TSPAN7: variants seen among roughly 807,000 people sequenced by gnomAD.
The protein encoded by TSPAN7 is tetraspanin-7.
A neutral mutation model predicts 17.6 loss-of-function variants in TSPAN7; 1 was observed. The ratio of observed to expected loss-of-function variants is 0.06; its 90% CI spans 0.02 to 0.27. The LOEUF is 0.27. Among genes scored for constraint, TSPAN7 ranks in the 10% least tolerant of loss-of-function variants. TSPAN7 has a pLI of 1.00. For synonymous variants in TSPAN7, 78 were observed against 79.0 expected (o/e 0.99, Z 0.07); for missense variants, 112 against 201.7 (o/e 0.56, Z 2.69).
At position 38,671,392 on chromosome X, in the gene TSPAN7, C is replaced by G. The variant is rs1489205168; in HGVS notation, c.287C>G (p.Ser96Cys). Residue 96 changes from serine to cysteine, a missense_variant, in exon 3 of 8, where the codon TCC becomes TGC. Transcript: ENST00000378482. ...AATTTTCAGTATGCCATGTTTCTGT[C>G]CCTGGTGTTCCTGGCTGAGCTCGTA... ...WMLKLYAMFL[S>C]LVFLAELVAG... The G allele has an allele frequency of 8.3e-7, 1 of 1,209,619 alleles. No individual in the cohort carries two copies. Among genetic ancestry groups the G allele is most frequent in the Non-Finnish European group, 1.1e-6 (1 of 894,974 alleles).
intron 5 of TSPAN7, among the ~76,000 whole-genome samples, chrX:38,679,519 G>T (rs1000791133): frequency 2.7e-5 from 3 of 111,347 alleles, no homozygotes; most frequent in Admixed American, 9.5e-5. Flanking sequence ...ATAGTGTGAG[G>T]CTGGGCACGG....
intron 1 of TSPAN7, chrX:38,622,968 G>A (rs1602102982): frequency 9.1e-6 from 3 of 330,114 alleles, no homozygotes; most frequent in African/African-American, 2.6e-5. Context: ...AATATGGTAT[G>A]GAAGATGGAA....
intron 1 of TSPAN7, among the ~76,000 whole-genome samples, chrX:38,611,664 T>C (rs933112928): frequency 4.5e-5 from 5 of 112,085 alleles, no homozygotes; most frequent in Non-Finnish European, 9.4e-5. Context: ...ACTGCTGTTA[T>C]GGGGAACAAC....
chrX:38,610,436 G>A (rs775376171), intron 1 of TSPAN7, among the ~76,000 whole-genome samples: 1 of 111,964 alleles, frequency 8.9e-6, no homozygotes, highest in East Asian at 2.8e-4. Flanking sequence ...ATTTTCGACA[G>A]GAGGAAACTG....
chrX:38,627,774 G>C (rs1479103746), intron 1 of TSPAN7, among the ~76,000 whole-genome samples: 4 of 113,245 alleles, frequency 3.5e-5, no homozygotes, highest in South Asian at 7.3e-4. Context: ...TGCCCCTTGT[G>C]GGGGGATGGC....
At chrX:38,566,027 C>T (rs1473025948) in intron 1 of TSPAN7, among the ~76,000 whole-genome samples, 5 of 112,046 alleles carry the variant, frequency 4.5e-5, no homozygotes, top group Non-Finnish European at 9.4e-5. Context: ...CCAACCTCTG[C>T]ACTACTGGAC....
chrX:38,637,124 A>G (rs184602952), intron 1 of TSPAN7, among the ~76,000 whole-genome samples: 3 of 112,052 alleles, frequency 2.7e-5, no homozygotes, highest in African/African-American at 9.7e-5. Context: ...TTCCTTAGCT[A>G]GCAACCCTGG....
intron 1 of TSPAN7, among the ~76,000 whole-genome samples, chrX:38,569,392 C>T (rs1356521812): frequency 9.7e-6 from 1 of 103,585 alleles, no homozygotes; most frequent in African/African-American, 3.5e-5. Flanking sequence ...GTCCACTGTG[C>T]TTATATTCCC....
intron 1 of TSPAN7, among the ~76,000 whole-genome samples, chrX:38,598,439 A>C (rs1350783711): frequency 9.0e-6 from 1 of 111,422 alleles, no homozygotes; most frequent in Non-Finnish European, 1.9e-5. Flanking sequence ...CCCTCTGTTT[A>C]GTATACCCTT....
rs375681366 is a variant in TSPAN7, at chrX:38,681,078, A to T, written c.598-126A>T. 28 of 558,524 alleles carry T rather than the reference A, an allele frequency of 5.0e-5. No individual in the cohort carries two copies. In the East Asian group the frequency reaches 8.8e-4, roughly 17 times the overall value. 46.0% of individuals were successfully genotyped at this position (558,524 alleles called of 1,213,427 possible). On this transcript the variant is annotated intron_variant, in intron 5 of 7. Transcript: ENST00000378482. ...TTGAAAAGAATGCTAATAAATCCCTAGAGTGAGTTGCAATTGTATTTGCTG... is the reference window on the plus strand; with the variant it reads ...TTGAAAAGAATGCTAATAAATCCCTTGAGTGAGTTGCAATTGTATTTGCTG...
chrX:38,643,180 G>C (rs778568559), intron 1 of TSPAN7, among the ~76,000 whole-genome samples: 8 of 111,067 alleles, frequency 7.2e-5, no homozygotes, highest in African/African-American at 2.6e-4. Flanking sequence ...AATCCTGGGA[G>C]AAGATATAAC....
At chrX:38,628,482 A>C (rs1054933425) in intron 1 of TSPAN7, among the ~76,000 whole-genome samples, 3 of 111,864 alleles carry the variant, frequency 2.7e-5, no homozygotes, top group African/African-American at 9.8e-5. Context: ...TAGTGGGCAG[A>C]GTATAGTACC....
At chrX:38,669,805 C>T (rs1160822683) in intron 2 of TSPAN7, among the ~76,000 whole-genome samples, 2 of 112,283 alleles carry the variant, frequency 1.8e-5, no homozygotes, top group African/African-American at 3.2e-5. Flanking sequence ...AGGATTCAAA[C>T]CTAGGAGGAC....
At chrX:38,639,692 G>T (rs141766751) in intron 1 of TSPAN7, among the ~76,000 whole-genome samples, 3,693 of 107,744 alleles carry the variant, frequency 0.034, 178 homozygotes, top group African/African-American at 0.12. Flanking sequence ...GTTCTTATGG[G>T]ATGGTTCTAT....
intron 1 of TSPAN7, among the ~76,000 whole-genome samples, chrX:38,594,202 G>C (rs2069306795): frequency 9.0e-6 from 1 of 110,986 alleles, no homozygotes; most frequent in African/African-American, 3.3e-5. Context: ...TTGTTTTTTT[G>C]TTTTTGTTTT....
chrX:38,612,921 G>A (rs2069429008), intron 1 of TSPAN7, among the ~76,000 whole-genome samples: 1 of 111,658 alleles, frequency 9.0e-6, no homozygotes, highest in African/African-American at 3.2e-5. Context: ...ACACTAATGG[G>A]CCATGACATG....
intron 1 of TSPAN7, among the ~76,000 whole-genome samples, chrX:38,651,708 G>A (rs2069677241): frequency 9.0e-6 from 1 of 111,433 alleles, no homozygotes; most frequent in Non-Finnish European, 1.9e-5. Context: ...GGTCCAAAGT[G>A]TAGTTGTATT....
intron 1 of TSPAN7, among the ~76,000 whole-genome samples, chrX:38,616,721 A>T (rs1224378981): frequency 9.0e-6 from 1 of 111,520 alleles, no homozygotes; most frequent in Non-Finnish European, 1.9e-5. Context: ...TGCTGAATGG[A>T]TGTATGAAGC....
At chrX:38,575,242 C>T (rs977988999) in intron 1 of TSPAN7, among the ~76,000 whole-genome samples, 10 of 111,293 alleles carry the variant, frequency 9.0e-5, no homozygotes, top group Admixed American at 1.9e-4. Flanking sequence ...ATGCTTTGAT[C>T]GAAGCTTTGC....
Sources: allele counts gnomAD v4.1 joint callset (sites outside exome capture counted in the v4.1 genomes callset), GRCh38; gene constraint gnomAD v4.1.1; transcripts MANE v1.5; gene names NCBI Gene and HGNC (gene_info 2026-07-23, HGNC 2026-07-21).